The following ELP1 variants were observed in gnomAD, a reference collection of about 807,000 sequenced individuals.
The protein encoded by ELP1 is elongator acetyltransferase complex subunit 1.
In ELP1, 131 loss-of-function variants were observed where a neutral mutation model predicts 183.2. The ratio of observed to expected loss-of-function variants is 0.72; its 90% confidence interval spans 0.62 to 0.83. ELP1 has a LOEUF of 0.83. ELP1 is among the 40% of genes least tolerant of loss of function. The pLI is 0.00. For synonymous variants in ELP1, 555 were observed against 569.0 expected (o/e 0.98, Z 0.35); for missense variants, 1,550 against 1,594.9 (o/e 0.97, Z 0.48).
rs1411125948 is a variant in ELP1 at position 108,934,027 on chromosome 9, A to G, written c.-219T>C. Reference sequence around the variant, plus strand: ...TCTCTCCGACGGCACTAGGCCTCCAAGGATGGAGGCGCCCTCCAGGGGAAA... The same window carrying G: ...TCTCTCCGACGGCACTAGGCCTCCAGGGATGGAGGCGCCCTCCAGGGGAAA... On this transcript the variant is annotated 5_prime_UTR_variant, in exon 1 of 37. Transcript: ENST00000374647. 1 of 162,104 alleles carries G rather than the reference A, an allele frequency of 6.2e-6. No homozygotes were observed. The highest frequency in any genetic ancestry group is 1.4e-5 in the Non-Finnish European group (1 of 73,966). 10.0% of individuals were successfully genotyped at this position (162,104 alleles called of 1,614,324 possible).
chr9:108,889,340 A>G lies in ELP1; in HGVS notation c.3214T>C (p.Cys1072Arg), dbSNP rs3204145. Residue 1072 changes from cysteine (C) to arginine (R), a missense_variant, in exon 29 of 37, where the codon TGT (cysteine) becomes CGT (arginine). Cys to Arg is a radical substitution (Grantham distance 180). Coordinates refer to ENST00000374647, the MANE Select transcript of ELP1 (RefSeq NM_003640.5). ...GGAGGAATTGAGTTTACCTGGGCAC[A>G]CTCTTCCAAAACCATGGCCGCATCA... ...HIDAAMVLEE[C>R]AQDYEEAVLL... 5.0e-6 allele frequency: 8 copies of G among 1,613,738 alleles called. No individual in the cohort carries two copies. The highest frequency in any genetic ancestry group is 6.8e-6 in the Non-Finnish European group (8 of 1,179,838).
chr9:108,932,971 G>A (rs1353320815), intron 1 of ELP1, among the ~76,000 whole-genome samples: 1 of 151,946 alleles, frequency 6.6e-6, no homozygotes, highest in Admixed American at 6.6e-5. Context: ...TTGCTCCTTC[G>A]ACTATCCACC....
chr9:108,912,235 G>A, intron 11 of ELP1, 29 bp downstream of exon 11: 1 of 1,561,320 alleles, frequency 6.4e-7, no homozygotes. Context: ...CCCCTTGCAG[G>A]CTCATGGACA....
At chr9:108,891,547 A>G in intron 27 of ELP1, 143 bp from the exon 28 acceptor site, 1 of 754,376 alleles carries the variant, frequency 1.3e-6, no homozygotes, top group Non-Finnish European at 2.3e-6. Flanking sequence ...CAGTTAGTAC[A>G]GTCATTTTTT....
At chr9:108,915,232 C>T (rs976684511) in intron 10 of ELP1, among the ~76,000 whole-genome samples, 7 of 152,184 alleles carry the variant, frequency 4.6e-5, no homozygotes, top group African/African-American at 1.2e-4. Context: ...AGGGAAAGCA[C>T]GTGATGACTT....
chr9:108,922,367 C>T (rs1287675738), intron 6 of ELP1, among the ~76,000 whole-genome samples: 4 of 152,236 alleles, frequency 2.6e-5, no homozygotes, highest in African/African-American at 9.6e-5. Context: ...TGCCTTGAGT[C>T]ATCAAGACAT....
chr9:108,898,686 A>G lies in ELP1; in HGVS notation c.2268T>C (p.Tyr756=). ...AGAAAGTTACCTTAGGGTTATGATCATAAATCAGATTGAGATTGATTCTCA... is the reference window on the plus strand; with the variant it reads ...AGAAAGTTACCTTAGGGTTATGATCGTAAATCAGATTGAGATTGATTCTCA... ...RKLRINLNLI[Y]DHNPKVFLGN... Residue 756 remains tyrosine (Y), a synonymous_variant, in exon 21 of 37, where the codon TAT becomes TAC. Coordinates refer to ENST00000374647, the MANE Select transcript of ELP1 (RefSeq NM_003640.5). The G allele has an allele frequency of 6.2e-7, 1 of 1,612,862 alleles. No individual in the cohort carries two copies. Among genetic ancestry groups the G allele is most frequent in the Non-Finnish European group, 8.5e-7 (1 of 1,179,128 alleles).
rs560565540 is a variant in ELP1, at chr9:108,867,655, G to A, written c.*1460C>T. The A allele has an allele frequency of 6.6e-6, 1 of 152,286 alleles. No individual in the cohort carries two copies. The highest frequency in any genetic ancestry group is 2.1e-4 in the South Asian group (1 of 4,824). 9.4% of individuals were successfully genotyped at this position (152,286 alleles called of 1,614,324 possible). On this transcript the variant is annotated 3_prime_UTR_variant, in exon 37 of 37. Coordinates refer to ENST00000374647, the MANE Select transcript of ELP1 (RefSeq NM_003640.5). ...GCCAAAGAGTGATTACAAAGTACTT[G>A]CAGCCTTTCAATATTGGGCACTTAA...
rs1828802224 is a variant in ELP1, at chr9:108,901,445, A to G, written c.1994T>C (p.Leu665Pro). The G allele has an allele frequency of 6.2e-7, 1 of 1,612,710 alleles. No homozygotes were observed. The highest frequency in any genetic ancestry group is 8.5e-7 in the Non-Finnish European group (1 of 1,178,738). The stretch of plus-strand genomic sequence containing the variant: ...CTTACTTTTAAATGAAGCATCCCTC[A>G]GGCAAAAACACTGGCAGGTATGGGA... The part of the protein sequence containing the change: ...THSHTCQCFC[L>P]RDASFKTLQA... The change falls in exon 18 of 37, where the codon CTG becomes CCG. Residue 665 changes from leucine to proline, a missense_variant. By Grantham distance (98) the Leu-to-Pro change is moderately conservative. Transcript: ENST00000374647.
intron 5 of ELP1, among the ~76,000 whole-genome samples, chr9:108,924,801 C>G (rs368580724): frequency 6.6e-6 from 1 of 152,174 alleles, no homozygotes; most frequent in East Asian, 1.9e-4. Context: ...CCACCCCTTA[C>G]AGACCAGCAC....
chr9:108,903,513 T>C, intron 15 of ELP1, 50 bp downstream of exon 15: 1 of 1,186,366 alleles, frequency 8.4e-7, no homozygotes, highest in Non-Finnish European at 1.3e-6. Context: ...TCTTAAGAAC[T>C]AAGCATCTAT....
intron 36 of ELP1, 134 bp downstream of exon 36, chr9:108,874,761 G>GGAAGAATTGTAGTCAATTTTTTGTAGT: frequency 1.4e-6 from 1 of 700,646 alleles, no homozygotes; most frequent in South Asian, 1.6e-5. Context: ...TTAGAATTGA[G>GGAAGAATTGTAGTCAATTTTTTGTAGT]GAAGAATTGT....
chr9:108,881,718 A>G lies in ELP1; in HGVS notation c.3333T>C (p.Pro1111=). The G allele has an allele frequency of 6.3e-7, 1 of 1,579,156 alleles. No individual in the cohort carries two copies. Among genetic ancestry groups the G allele is most frequent in the East Asian group, 2.2e-5 (1 of 44,594 alleles). ...RLDIIETNVK[P]SILEAQKNYM... ...TGGAACCCTCACCTTCTAAAATGGA[A>G]GGCTTTACGTTGGTTTCTATAATAT... is the stretch of plus-strand genomic sequence containing the variant. Residue 1111 remains proline, a synonymous_variant, in exon 31 of 37, where the codon CCT becomes CCC. Coordinates refer to ENST00000374647, the MANE Select transcript of ELP1 (RefSeq NM_003640.5).
rs1827285573 is a variant in ELP1, at chr9:108,867,559, T to C, written c.*1556A>G. 2 of 152,248 alleles carry C rather than the reference T, an allele frequency of 1.3e-5. No individual in the cohort carries two copies. Among genetic ancestry groups the C allele is most frequent in the African/African-American group, 4.8e-5 (2 of 41,470 alleles). 9.4% of individuals were successfully genotyped at this position (152,248 alleles called of 1,614,324 possible). A position where few individuals can be genotyped will look rare whatever the true frequency, so the allele number is the denominator to read the frequency against. Reference sequence around the variant, plus strand: ...TACTTCTATTTCCAGTCTATCAGCATGGGTCCCTTTACAGTTATCCAAAGC... The same window carrying C: ...TACTTCTATTTCCAGTCTATCAGCACGGGTCCCTTTACAGTTATCCAAAGC... On this transcript the variant is annotated 3_prime_UTR_variant, in exon 37 of 37. Transcript: ENST00000374647.
intron 20 of ELP1, 34 bp downstream of exon 20, chr9:108,899,788 G>C: frequency 6.5e-7 from 1 of 1,532,964 alleles, no homozygotes; most frequent in Non-Finnish European, 9.0e-7. Context: ...TAAATCACAA[G>C]CTAACTAGTC....
chr9:108,928,338 A>G (rs1829885312), intron 3 of ELP1, among the ~76,000 whole-genome samples: 1 of 152,200 alleles, frequency 6.6e-6, no homozygotes. Flanking sequence ...AGAAGACCCT[A>G]CAGAGGATAA....
rs142286608 is a variant in ELP1, at chr9:108,903,771, C to T, written c.1644-102G>A. On this transcript the variant is annotated intron_variant, in intron 14 of 36. Transcript: ENST00000374647. Reference sequence around the variant, plus strand: ...TCAACAATTTCCTTTTGATGCTGCACTACCTACTTCAATACAATGTAGACA... The same window carrying T: ...TCAACAATTTCCTTTTGATGCTGCATTACCTACTTCAATACAATGTAGACA... 7.6e-4 allele frequency: 598 copies of T among 784,632 alleles called. 3 individuals are homozygous for T. In the African/African-American group the frequency reaches 8.6e-3, roughly 11 times the overall value. 48.6% of individuals were successfully genotyped at this position (784,632 alleles called of 1,614,324 possible).
Position 108,882,229 on chromosome 9 carries a change from T to C in ELP1, c.3223-42A>G, listed in dbSNP as rs139864506. 5.1e-6 allele frequency: 8 copies of C among 1,566,652 alleles called. No individual in the cohort carries two copies. The African/African-American group carries it at 6.8e-5, about 13-fold the overall frequency. On this transcript the variant is annotated intron_variant, in intron 29 of 36. Coordinates refer to ENST00000374647, the MANE Select transcript of ELP1 (RefSeq NM_003640.5). ...AAGAAGACAACAAGTGAAGAGAGCA[T>C]GTCAGATGTCATCACAGCCAACTAC...
chr9:108,888,297 G>C (rs1828203514), intron 29 of ELP1, among the ~76,000 whole-genome samples: 1 of 152,194 alleles, frequency 6.6e-6, no homozygotes, highest in African/African-American at 2.4e-5. Context: ...GGGGGTGTTA[G>C]AAATGTTCTA....
Sources: gnomAD v4.1 joint callset for allele counts (sites outside exome capture counted in the v4.1 genomes callset) on GRCh38, gnomAD v4.1.1 for gene constraint, MANE v1.5 for transcripts, NCBI Gene and HGNC (gene_info 2026-07-23, HGNC 2026-07-21) for gene names.